Variants in PLXNA4 observed in about 807,000 individuals in gnomAD.
PLXNA4 encodes the protein plexin-A4.
In PLXNA4, 44 loss-of-function variants were observed where a neutral mutation model predicts 191.8. That is an observed-to-expected ratio of 0.23 (90% confidence interval 0.18 to 0.29). The LOEUF is 0.29. PLXNA4 is among the 10% of genes least tolerant of loss of function. The pLI, the probability that PLXNA4 is intolerant of heterozygous loss-of-function variation, is 1.00. For synonymous variants in PLXNA4, 1,082 were observed against 1,009.5 expected, an observed-to-expected ratio of 1.07 and a Z score of -1.36; for missense variants, 1,800 against 2,488.8, an observed-to-expected ratio of 0.72 and a Z score of 5.89.
chr7:132,462,864 AG>A (rs1796567096), intron 3 of PLXNA4, among the ~76,000 whole-genome samples: 2 of 61,952 alleles, frequency 3.2e-5, no homozygotes, highest in Non-Finnish European at 6.7e-5. Context: ...TTTTTTTGTG[AG>A]GGGGACCGAG....
Position 132,140,772 on chromosome 7 carries a change from C to A in PLXNA4, c.5265G>T (p.Pro1755=). The change falls in exon 30 of 32, where the codon CCG becomes CCT. Residue 1755 remains proline, a synonymous_variant. Coordinates refer to ENST00000321063, the MANE Select transcript of PLXNA4 (RefSeq NM_020911.2). The part of the protein sequence containing the change: ...LRFWVNMIKN[P]QFVFDIHKNS... ...TCTTATGGATGTCAAACACAAACTG[C>A]GGGTTCTTGATCATGTTGACCCAAA... The A allele has an allele frequency of 1.9e-6, 3 of 1,613,896 alleles. 1 individual carries two copies. The highest frequency in any genetic ancestry group is 3.3e-4 in the Middle Eastern group (2 of 6,062).
chr7:132,304,902 T>C (rs1324485175), intron 3 of PLXNA4, among the ~76,000 whole-genome samples: 2 of 152,196 alleles, frequency 1.3e-5, no homozygotes, highest in Non-Finnish European at 2.9e-5. Flanking sequence ...TCTTGGGCTG[T>C]ATGATCCAGC....
chr7:132,623,033 C>T (rs781359232), intron 2 of PLXNA4, among the ~76,000 whole-genome samples: 1 of 152,140 alleles, frequency 6.6e-6, no homozygotes, highest in African/African-American at 2.4e-5. Flanking sequence ...CCTTCCAGCC[C>T]CTTCTCCATT....
At chr7:132,566,626 GAGA>G (rs1801737179) in intron 1 of PLXNA4, among the ~76,000 whole-genome samples, 1 of 152,128 alleles carries the variant, frequency 6.6e-6, no homozygotes, top group Non-Finnish European at 1.5e-5. Flanking sequence ...AAAAAAAATT[GAGA>G]AGGTGAATGT....
chr7:132,436,592 G>A (rs277488), intron 3 of PLXNA4, among the ~76,000 whole-genome samples: 3,188 of 152,268 alleles, frequency 0.021, 109 homozygotes, highest in African/African-American at 0.073. Context: ...ATTTCCAATC[G>A]TTGGAGAAAT....
chr7:132,474,102 G>A (rs527595744), intron 3 of PLXNA4, among the ~76,000 whole-genome samples: 4 of 151,896 alleles, frequency 2.6e-5, no homozygotes, highest in South Asian at 4.2e-4. Flanking sequence ...CTAGAAGGCG[G>A]CATTAGGGCT....
chr7:132,510,492 C>T (rs1181973397), intron 1 of PLXNA4, among the ~76,000 whole-genome samples: 1 of 152,184 alleles, frequency 6.6e-6, no homozygotes, highest in Non-Finnish European at 1.5e-5. Flanking sequence ...AGAACACACA[C>T]AAAATGTGCA....
chr7:132,638,609 A>G (rs969193950), intron 2 of PLXNA4, among the ~76,000 whole-genome samples: 2 of 152,034 alleles, frequency 1.3e-5, no homozygotes, highest in Non-Finnish European at 1.5e-5. Flanking sequence ...CTGAGATTGC[A>G]CCACTGCACT....
intron 16 of PLXNA4, among the ~76,000 whole-genome samples, chr7:132,183,551 C>T (rs1327769642): frequency 6.6e-6 from 1 of 152,202 alleles, no homozygotes; most frequent in Admixed American, 6.5e-5. Flanking sequence ...TAGGGTGACA[C>T]CTCTATTTCT....
chr7:132,536,854 C>T (rs1295381180), intron 1 of PLXNA4, among the ~76,000 whole-genome samples: 1 of 152,214 alleles, frequency 6.6e-6, no homozygotes, highest in Non-Finnish European at 1.5e-5. Flanking sequence ...CAGAAAGAGA[C>T]AGTCATGAGG....
intron 2 of PLXNA4, among the ~76,000 whole-genome samples, chr7:132,628,651 G>T (rs1803431913): frequency 6.7e-6 from 1 of 150,184 alleles, no homozygotes; most frequent in African/African-American, 2.5e-5. Flanking sequence ...TTCCATTTCA[G>T]TCTCTAGGTT....
chr7:132,256,814 A>T (rs1167545279), intron 4 of PLXNA4, among the ~76,000 whole-genome samples: 2 of 152,060 alleles, frequency 1.3e-5, no homozygotes, highest in Non-Finnish European at 2.9e-5. Flanking sequence ...GGAGTTAGTG[A>T]TTTGAGGATT....
intron 4 of PLXNA4, among the ~76,000 whole-genome samples, chr7:132,275,877 T>C (rs1406193819): frequency 6.6e-6 from 1 of 152,238 alleles, no homozygotes; most frequent in Non-Finnish European, 1.5e-5. Flanking sequence ...TATTTGCATA[T>C]ACCAAGTGCA....
chr7:132,329,117 G>A (rs1802488852), intron 3 of PLXNA4, among the ~76,000 whole-genome samples: 1 of 152,200 alleles, frequency 6.6e-6, no homozygotes. Context: ...AGCACTGCAG[G>A]TGATGTGGAT....
intron 4 of PLXNA4, among the ~76,000 whole-genome samples, chr7:132,281,143 A>G (rs948605923): frequency 1.3e-5 from 2 of 152,196 alleles, no homozygotes; most frequent in African/African-American, 4.8e-5. Context: ...TTATTGTTTA[A>G]TACATTTGTT....
chr7:132,254,330 C>T (rs1799357810), intron 4 of PLXNA4, among the ~76,000 whole-genome samples: 1 of 152,114 alleles, frequency 6.6e-6, no homozygotes, highest in Admixed American at 6.5e-5. Context: ...ATTATGAAAC[C>T]ACTAGAGTTT....
chr7:132,140,558 C>G (rs779110101), intron 30 of PLXNA4, 41 bp downstream of exon 30: 2 of 1,603,602 alleles, frequency 1.2e-6, no homozygotes, highest in South Asian at 2.2e-5. Flanking sequence ...CTGCTGGCTC[C>G]AGCAAGGGGC....
At chr7:132,263,701 C>CA (rs1799739567) in intron 4 of PLXNA4, among the ~76,000 whole-genome samples, 1 of 152,188 alleles carries the variant, frequency 6.6e-6, no homozygotes, top group South Asian at 2.1e-4. Context: ...GACTCAAAAT[C>CA]AAAAGACCTG....
At chr7:132,423,651 T>G (rs1201739090) in intron 3 of PLXNA4, among the ~76,000 whole-genome samples, 1 of 152,146 alleles carries the variant, frequency 6.6e-6, no homozygotes, top group Non-Finnish European at 1.5e-5. Flanking sequence ...TAATTGATCA[T>G]CACTCCTCCC....
Sources: gnomAD v4.1 joint callset for allele counts (sites outside exome capture counted in the v4.1 genomes callset) on GRCh38, gnomAD v4.1.1 for gene constraint, MANE v1.5 for transcripts, NCBI Gene and HGNC (gene_info 2026-07-23, HGNC 2026-07-21) for gene names.